The following ZDHHC11 variants were observed in gnomAD, a reference collection of about 807,000 sequenced individuals.
The protein encoded by ZDHHC11 is palmitoyltransferase ZDHHC11.
ZDHHC11 carries 44 observed loss-of-function variants against 51.3 expected under a neutral mutation model. That is an observed-to-expected ratio of 0.86 (90% CI 0.67 to 1.10). ZDHHC11 has a LOEUF of 1.10. Among genes scored for constraint, ZDHHC11 ranks in the 50% least tolerant of loss-of-function variants. The probability of loss-of-function intolerance (pLI) is 0.00; values close to 1 mark genes in which losing one functional copy is unlikely to be tolerated. For missense variants in ZDHHC11, 400 were observed against 537.7 expected (o/e 0.74, Z 2.53); for synonymous variants, 163 against 222.0 (o/e 0.73, Z 2.36).
chr5:850,848 G>C lies in ZDHHC11; in HGVS notation c.-246C>G, dbSNP rs1216536858. The C allele has an allele frequency of 1.7e-6, 1 of 595,286 alleles. No individual in the cohort carries two copies. The highest frequency in any genetic ancestry group is 1.9e-5 in the African/African-American group (1 of 53,778). The allele number at this position is 595,286 out of a possible 1,614,324, so 36.9% of individuals were successfully genotyped here. A position where few individuals can be genotyped will look rare whatever the true frequency, so the allele number is the denominator to read the frequency against. On this transcript the variant is annotated 5_prime_UTR_variant, in exon 1 of 13. Coordinates refer to ENST00000283441, the MANE Select transcript of ZDHHC11 (RefSeq NM_024786.3). ...AGAATGTGACCCCGGCCAGAGCCGA[G>C]TGGCAACGGAAAACGGCTCTCCAGG...
chr5:802,291 A>G (rs1380569838), intron 11 of ZDHHC11, among the ~76,000 whole-genome samples: 3 of 151,410 alleles, frequency 2.0e-5, no homozygotes, highest in Non-Finnish European at 4.4e-5. Flanking sequence ...CTAGGAAAAA[A>G]TGCACAGAAG....
rs561940997 is a variant in ZDHHC11 at position 818,587 on chromosome 5, A to C, written c.1146+938T>G. Among the ~76,000 whole-genome samples, 4 of 151,814 alleles carry C rather than the reference A, an allele frequency of 2.6e-5. No homozygotes were observed. The South Asian group carries it at 6.2e-4, about 24-fold the overall frequency. ...GATGGATTCCCCCACAGCCTAGTAC[A>C]GTGGCTCATGCCTGTAATCGCCCTG... On this transcript the variant is annotated intron_variant, in intron 10 of 12. Coordinates refer to ENST00000283441, the MANE Select transcript of ZDHHC11 (RefSeq NM_024786.3).
At chr5:800,412 T>C (rs1165143646) in intron 12 of ZDHHC11, among the ~76,000 whole-genome samples, 1 of 150,546 alleles carries the variant, frequency 6.6e-6, no homozygotes, top group African/African-American at 2.4e-5. Context: ...GGTAACACCT[T>C]AGAGAAAGGG....
chr5:819,680 GCTACAGTGTGTCCTGTAAGCACCA>G (rs1741314849), intron 9 of ZDHHC11, 68 bp from the exon 10 acceptor site: 1 of 1,489,564 alleles, frequency 6.7e-7, no homozygotes, highest in Non-Finnish European at 9.4e-7. Flanking sequence ...GGCACTGGAG[GCTACAGTGTGTCCTGTAAGCACCA>G]CTGCAGTGGG....
chr5:841,599 G>C, intron 4 of ZDHHC11: 2 of 995,364 alleles, frequency 2.0e-6, no homozygotes, highest in Non-Finnish European at 2.4e-6. Flanking sequence ...CCCATCCCTT[G>C]CTCATGGCCC....
At chr5:827,728 AT>A (rs1246765469) in intron 7 of ZDHHC11, among the ~76,000 whole-genome samples, 173 of 148,446 alleles carry the variant, frequency 1.2e-3, no homozygotes, top group Middle Eastern at 3.4e-3. Flanking sequence ...TGCCAAATTT[AT>A]TTTTTTTTAT....
At chr5:847,943 C>G (rs1281648740) in intron 2 of ZDHHC11, among the ~76,000 whole-genome samples, 1 of 151,886 alleles carries the variant, frequency 6.6e-6, no homozygotes, top group African/African-American at 2.4e-5. Context: ...CCCCATGGTT[C>G]CAGGAGTTGA....
chr5:844,114 G>A (rs188886469), intron 3 of ZDHHC11, among the ~76,000 whole-genome samples: 7 of 151,552 alleles, frequency 4.6e-5, no homozygotes, highest in African/African-American at 1.2e-4. Context: ...ACTTGAGGGC[G>A]CCTGGCCACC....
chr5:806,665 A>G (rs1219966481), intron 11 of ZDHHC11, among the ~76,000 whole-genome samples: 2 of 151,318 alleles, frequency 1.3e-5, no homozygotes, highest in Non-Finnish European at 3.0e-5. Context: ...AATATATAAA[A>G]ACTCTATAAA....
chr5:824,297 G>GAAATAAAAAATAAA, intron 8 of ZDHHC11, among the ~76,000 whole-genome samples: 1 of 150,600 alleles, frequency 6.6e-6, no homozygotes, highest in South Asian at 2.1e-4. Flanking sequence ...CATCTCTTAA[G>GAAATAAAAAATAAA]AAATAAAAAA....
intron 6 of ZDHHC11, among the ~76,000 whole-genome samples, chr5:836,888 C>G (rs1423145097): frequency 6.7e-6 from 1 of 149,570 alleles, no homozygotes; most frequent in Non-Finnish European, 1.5e-5. Context: ...AAAACCACAT[C>G]TCTACTAAAA....
upstream of ZDHHC11, among the ~76,000 whole-genome samples, chr5:859,216 G>A (rs1748661556): frequency 1.3e-5 from 2 of 152,060 alleles, no homozygotes; most frequent in South Asian, 4.2e-4. Flanking sequence ...GCTTGGATGG[G>A]CCCCAATGCC....
intron 8 of ZDHHC11, among the ~76,000 whole-genome samples, chr5:824,291 T>G (rs1192548974): frequency 7.5e-6 from 1 of 132,646 alleles, no homozygotes; most frequent in African/African-American, 3.5e-5. Flanking sequence ...AGATCCCATC[T>G]CTTAAGAAAT....
upstream of ZDHHC11, among the ~76,000 whole-genome samples, chr5:853,697 T>A (rs373820331): frequency 0.01 from 1,050 of 101,920 alleles, 15 homozygotes; most frequent in African/African-American, 0.036. Flanking sequence ...TGTAGGACAG[T>A]GAGCCAGGGA....
chr5:854,122 G>C (rs936800636), upstream of ZDHHC11, among the ~76,000 whole-genome samples: 8 of 147,286 alleles, frequency 5.4e-5, no homozygotes, highest in South Asian at 4.4e-4. Context: ...AGTGAGGAGC[G>C]GGGACAGACC....
intron 5 of ZDHHC11, chr5:839,616 G>A (rs200924610): frequency 0.02 from 2,678 of 131,536 alleles, 5 homozygotes; most frequent in South Asian, 0.033. Context: ...CTGTGGTTAT[G>A]AACAAGGAGG....
At chr5:806,347 G>C (rs1428405113) in intron 11 of ZDHHC11, among the ~76,000 whole-genome samples, 4 of 151,134 alleles carry the variant, frequency 2.6e-5, no homozygotes, top group Non-Finnish European at 5.9e-5. Context: ...AATCCATAGA[G>C]GGAAGAATGA....
rs1453733547 is a variant in ZDHHC11 at position 850,576 on chromosome 5, A to G, written c.27T>C (p.Cys9=). 3 of 1,613,454 alleles carry G rather than the reference A, an allele frequency of 1.9e-6. No homozygotes were observed. In the East Asian group the frequency reaches 6.7e-5, roughly 36 times the overall value. Reference sequence around the variant, plus strand: ...TGAGTATGGCTTCTGGGGTGACGGAACACTGGCTCCCGGAGCGGGTGTCCA... The same window carrying G: ...TGAGTATGGCTTCTGGGGTGACGGAGCACTGGCTCCCGGAGCGGGTGTCCA... MDTRSGSQ[C]SVTPEAILNN... is the part of the protein sequence containing the mutation. The change falls in exon 1 of 13, where the codon TGT becomes TGC. Residue 9 remains cysteine, a synonymous_variant. Coordinates refer to ENST00000283441, the MANE Select transcript of ZDHHC11 (RefSeq NM_024786.3).
chr5:815,287 G>T (rs1245552497), intron 10 of ZDHHC11, among the ~76,000 whole-genome samples: 1 of 151,252 alleles, frequency 6.6e-6, no homozygotes, highest in Non-Finnish European at 1.5e-5. Context: ...AGATATGTGA[G>T]AAAATACATT....
Sources: allele counts gnomAD v4.1 joint callset (sites outside exome capture counted in the v4.1 genomes callset), GRCh38; gene constraint gnomAD v4.1.1; transcripts MANE v1.5; gene names NCBI Gene and HGNC (gene_info 2026-07-23, HGNC 2026-07-21).